Variants in C10orf90 observed in about 807,000 individuals in gnomAD.
C10orf90 encodes the protein chromosome 10 open reading frame 90.
A neutral mutation model predicts 62.5 loss-of-function variants in C10orf90; 56 were observed. The observed-to-expected ratio is 0.90, with a 90% CI of 0.72 to 1.12. The LOEUF (loss-of-function observed/expected upper bound fraction) is 1.12, where lower values mean the gene tolerates loss of function less well. C10orf90 is among the 50% of genes most tolerant of loss of function. The pLI is 0.00. For missense variants in C10orf90, 970 were observed against 880.4 expected (o/e 1.10, Z -1.29); for synonymous variants, 386 against 340.4 (o/e 1.13, Z -1.47).
In C10orf90 at chr10:126,565,005, A is replaced by T. The variant is rs11813689; in HGVS notation, c.314-51066T>A. Among the ~76,000 whole-genome samples, 15 of 10,876 alleles carry T rather than the reference A, an allele frequency of 1.4e-3. 3 individuals carry two copies. The highest frequency in any genetic ancestry group is 6.1e-3 in the Admixed American group (3 of 488). 7.1% of individuals were successfully genotyped at this position (10,876 alleles called of 152,430 possible). The stretch of plus-strand genomic sequence containing the variant: ...AAATATAAAATATATATTATATATA[A>T]TATATATAATATATATTATATATTA... On this transcript the variant is annotated intron_variant, in intron 2 of 9. Coordinates refer to ENST00000488181, the MANE Select transcript of C10orf90 (RefSeq NM_001350921.2).
intron 7 of C10orf90, among the ~76,000 whole-genome samples, chr10:126,447,807 G>C (rs1203335637): frequency 6.7e-6 from 1 of 149,290 alleles, no homozygotes; most frequent in Non-Finnish European, 1.5e-5. Flanking sequence ...AATAAATTTA[G>C]ATGATAGAAA....
intron 2 of C10orf90, among the ~76,000 whole-genome samples, chr10:126,567,510 T>A (rs942624774): frequency 1.3e-5 from 2 of 151,974 alleles, no homozygotes; most frequent in Non-Finnish European, 2.9e-5. Context: ...TCGGGAGGCA[T>A]GAGACCCTCT....
At chr10:126,668,962 C>T (rs1047190462) in intron 1 of C10orf90, among the ~76,000 whole-genome samples, 5 of 152,114 alleles carry the variant, frequency 3.3e-5, no homozygotes, top group Non-Finnish European at 7.4e-5. Flanking sequence ...ACGAGAATGC[C>T]AGATCTACCA....
chr10:126,558,339 T>C (rs1276268807), intron 2 of C10orf90, among the ~76,000 whole-genome samples: 1 of 152,164 alleles, frequency 6.6e-6, no homozygotes, highest in East Asian at 1.9e-4. Flanking sequence ...TGACTTCTCA[T>C]TGTCTTCAGG....
At chr10:126,532,830 G>A (rs139517087) in intron 2 of C10orf90, among the ~76,000 whole-genome samples, 3,704 of 10,084 alleles carry the variant, frequency 0.37, 441 homozygotes, top group African/African-American at 0.55. Flanking sequence ...GCAACAGAGC[G>A]AGACTACGTC....
In C10orf90 at chr10:126,548,957, C is replaced by T. The variant is rs1471738313; in HGVS notation, c.314-35018G>A. Among the ~76,000 whole-genome samples, 8 of 152,130 alleles carry T rather than the reference C, an allele frequency of 5.3e-5. No individual in the cohort carries two copies. The East Asian group carries it at 1.5e-3, about 29-fold the overall frequency. ...TTTTCAGCAAGTGGAAACAACTAGA[C>T]ACTCAAAGGCCAAAAAATAATCCTT... On this transcript the variant is annotated intron_variant, in intron 2 of 9. Coordinates refer to ENST00000488181, the MANE Select transcript of C10orf90 (RefSeq NM_001350921.2).
chr10:126,630,492 G>C (rs375681030), intron 2 of C10orf90, among the ~76,000 whole-genome samples: 35 of 152,268 alleles, frequency 2.3e-4, no homozygotes, highest in East Asian at 1.7e-3. Flanking sequence ...GAAGAGCGCA[G>C]AGTGGGGGCA....
In C10orf90 at chr10:126,504,883, C is replaced by T; in HGVS notation, c.608G>A (p.Arg203Lys). ...IHRAFALLPG[R>K]LGIPAPSDER... ...ATCTGACGGTGCCGGGATTCCTAAT[C>T]TGCCCGGAAGTAACGCAAATGCTCT... Residue 203 changes from arginine (R) to lysine (K), a missense_variant, in exon 4 of 10, where the codon AGA becomes AAA. Transcript: ENST00000488181. This position sits in a 1 kb window ranked among gnomAD's most constrained non-coding sequence, Gnocchi z 4.1. 1 of 1,613,910 alleles carries T rather than the reference C, an allele frequency of 6.2e-7. No individual in the cohort carries two copies. The highest frequency in any genetic ancestry group is 8.5e-7 in the Non-Finnish European group (1 of 1,179,878).
At chr10:126,637,838 G>A (rs1177073344) in intron 2 of C10orf90, among the ~76,000 whole-genome samples, 1 of 152,204 alleles carries the variant, frequency 6.6e-6, no homozygotes, top group Non-Finnish European at 1.5e-5. Context: ...GCATGGAAGG[G>A]TCTTAAGCAG....
rs774447035 is a variant in C10orf90, at chr10:126,475,860, G to C, written c.1535-10874C>G. Among the ~76,000 whole-genome samples, 6 of 152,164 alleles carry C rather than the reference G, an allele frequency of 3.9e-5. No individual in the cohort carries two copies. The South Asian group carries it at 1.2e-3, about 32-fold the overall frequency. On this transcript the variant is annotated intron_variant, in intron 4 of 9. Coordinates refer to ENST00000488181, the MANE Select transcript of C10orf90 (RefSeq NM_001350921.2). The stretch of plus-strand genomic sequence containing the variant: ...CAGAGGTTTTATATTACTGTTGAGA[G>C]CTCTGATCACAGAATCCCCTTTCTA...
chr10:126,515,035 A>C (rs1182904857), intron 2 of C10orf90, among the ~76,000 whole-genome samples: 1 of 152,242 alleles, frequency 6.6e-6, no homozygotes, highest in Non-Finnish European at 1.5e-5. Flanking sequence ...TTATGAAAGC[A>C]GCTCCCTAGA....
intron 4 of C10orf90, among the ~76,000 whole-genome samples, chr10:126,498,781 C>T (rs1046706442): frequency 2.0e-5 from 3 of 152,340 alleles, no homozygotes; most frequent in African/African-American, 7.2e-5. Flanking sequence ...TATGGCAACT[C>T]AGAATAACCT....
chr10:126,464,569 C>G, intron 5 of C10orf90, 127 bp downstream of exon 5: 1 of 1,073,876 alleles, frequency 9.3e-7, no homozygotes, highest in African/African-American at 1.6e-5. Context: ...CTCTGCTCTC[C>G]CAGTTGGAGA....
rs143690656 is a variant in C10orf90 at position 126,566,790 on chromosome 10, G to A, written c.314-52851C>T. ...GGATGGACCAGGGAGGGGCAAGAGC[G>A]GAGGCAGCGAGACCAGTTAAGAGGA... On this transcript the variant is annotated intron_variant, in intron 2 of 9. Transcript: ENST00000488181. 4.0e-3 allele frequency among the ~76,000 whole-genome samples: 607 copies of A among 152,254 alleles called. 3 individuals carry two copies. The highest frequency in any genetic ancestry group is 5.0e-3 in the Non-Finnish European group (343 of 68,010).
intron 3 of C10orf90, among the ~76,000 whole-genome samples, chr10:126,508,875 G>A (rs1265991255): frequency 1.3e-5 from 2 of 152,202 alleles, no homozygotes; most frequent in African/African-American, 4.8e-5. Flanking sequence ...TGGCATCAAC[G>A]AGGGGTGTGT....
intron 2 of C10orf90, among the ~76,000 whole-genome samples, chr10:126,556,479 C>A (rs1188006353): frequency 6.6e-6 from 1 of 152,176 alleles, no homozygotes. Flanking sequence ...AATTTTCCTT[C>A]ATTGCTTATT....
intron 3 of C10orf90, among the ~76,000 whole-genome samples, chr10:126,508,593 G>T (rs1161264803): frequency 6.6e-6 from 1 of 151,792 alleles, no homozygotes; most frequent in Non-Finnish European, 1.5e-5. Context: ...CCTAGAATTT[G>T]TATCTTTCAC....
intron 6 of C10orf90, 111 bp downstream of exon 6, chr10:126,461,290 T>C (rs1859956957): frequency 7.9e-7 from 1 of 1,260,944 alleles, no homozygotes; most frequent in East Asian, 2.5e-5. Context: ...TGCTACAAAG[T>C]GAAATCAGGT....
chr10:126,433,505 G>A (rs1486657247), intron 7 of C10orf90, among the ~76,000 whole-genome samples: 1 of 152,070 alleles, frequency 6.6e-6, no homozygotes, highest in Admixed American at 6.5e-5. Context: ...ACATAGACCT[G>A]CCTGCAGCAA....
Sources: allele counts gnomAD v4.1 joint callset (sites outside exome capture counted in the v4.1 genomes callset), GRCh38; gene constraint gnomAD v4.1.1; non-coding constraint Gnocchi (gnomAD v3.1); transcripts MANE v1.5; gene names NCBI Gene and HGNC (gene_info 2026-07-23, HGNC 2026-07-21).